BMPR1B: variants seen among roughly 807,000 people sequenced by gnomAD.
The protein encoded by BMPR1B is bone morphogenetic protein receptor type-1B.
A neutral mutation model predicts 59.1 loss-of-function variants in BMPR1B; 12 were observed. The ratio of observed to expected loss-of-function variants is 0.20; its 90% CI spans 0.13 to 0.33. The LOEUF (loss-of-function observed/expected upper bound fraction) is 0.33. BMPR1B is among the 10% of genes least tolerant of loss of function. BMPR1B has a pLI of 1.00. For synonymous variants in BMPR1B, 237 were observed against 207.3 expected (o/e 1.14, Z -1.23); for missense variants, 550 against 610.9 (o/e 0.90, Z 1.05).
At chr4:95,130,675 C>T (rs1465063824) in intron 9 of BMPR1B, among the ~76,000 whole-genome samples, 4 of 145,900 alleles carry the variant, frequency 2.7e-5, no homozygotes, top group African/African-American at 1.0e-4. Flanking sequence ...GATGTAAACT[C>T]TTAATCTTTC....
At position 94,985,892 on chromosome 4, in the gene BMPR1B, G is replaced by T. The variant is rs553078204; in HGVS notation, c.-112-10148G>T. On this transcript the variant is annotated intron_variant, in intron 2 of 12. Transcript: ENST00000515059. ...TAAAAATATAAAGTGCCACATAAAT[G>T]TGAGTCGTTAGATTTCTACAGACTG... Among the ~76,000 whole-genome samples, 10 of 152,282 alleles carry T rather than the reference G, an allele frequency of 6.6e-5. No homozygotes were observed. In the East Asian group the frequency reaches 1.5e-3, roughly 24 times the overall value.
chr4:94,953,856 A>G (rs1264956888), intron 2 of BMPR1B, among the ~76,000 whole-genome samples: 1 of 152,118 alleles, frequency 6.6e-6, no homozygotes, highest in Non-Finnish European at 1.5e-5. Context: ...TGTGTTTTCC[A>G]ACTTGGTTCC....
chr4:95,049,447 T>G lies in BMPR1B; in HGVS notation c.-18+53313T>G, dbSNP rs1302062902. Among the ~76,000 whole-genome samples, 217 of 49,452 alleles carry G rather than the reference T, an allele frequency of 4.4e-3. 18 individuals are homozygous for G. The highest frequency in any genetic ancestry group is 0.013 in the African/African-American group (208 of 16,410). The allele number at this position is 49,452 out of a possible 152,430, so 32.4% of individuals were successfully genotyped here. ...TTTTTTTTTTTTTTTTTTTTTTTTT[T>G]TTTTTTTTTTTTTTTTTTTTTTTGC... On this transcript the variant is annotated intron_variant, in intron 3 of 12. Coordinates refer to ENST00000515059, the MANE Select transcript of BMPR1B (RefSeq NM_001203.3).
intron 3 of BMPR1B, among the ~76,000 whole-genome samples, chr4:95,071,646 G>A (rs1256337795): frequency 3.3e-4 from 29 of 86,572 alleles, no homozygotes; most frequent in African/African-American, 1.1e-3. Context: ...GTGTGTGTGT[G>A]TGTGTGTATA....
chr4:95,095,716 A>G (rs903966281), intron 3 of BMPR1B, among the ~76,000 whole-genome samples: 1 of 152,086 alleles, frequency 6.6e-6, no homozygotes, highest in Middle Eastern at 3.2e-3. Context: ...TTAAAGTCTC[A>G]TATCCATTTC....
At chr4:95,089,198 C>T (rs1418321627) in intron 3 of BMPR1B, among the ~76,000 whole-genome samples, 1 of 152,070 alleles carries the variant, frequency 6.6e-6, no homozygotes, top group East Asian at 1.9e-4. Flanking sequence ...AAAAACATAA[C>T]ACACACAAAT....
At chr4:94,915,919 G>T (rs1728465710) in intron 2 of BMPR1B, among the ~76,000 whole-genome samples, 1 of 152,124 alleles carries the variant, frequency 6.6e-6, no homozygotes, top group South Asian at 2.1e-4. Flanking sequence ...GAGTGCTCGG[G>T]AGATCTGGTC....
At chr4:95,124,187 CTTAGGT>C (rs1272451550) in intron 7 of BMPR1B, among the ~76,000 whole-genome samples, 2 of 151,896 alleles carry the variant, frequency 1.3e-5, no homozygotes, top group Non-Finnish European at 2.9e-5. Context: ...CTGGTTGTTA[CTTAGGT>C]TTGATTCCAA....
chr4:95,025,169 TAGAA>T (rs1724267924), intron 3 of BMPR1B, among the ~76,000 whole-genome samples: 1 of 152,082 alleles, frequency 6.6e-6, no homozygotes, highest in African/African-American at 2.4e-5. Context: ...GGAAGAGTGA[TAGAA>T]AGAAAACCAG....
chr4:94,836,466 G>C (rs1724824666), intron 1 of BMPR1B, among the ~76,000 whole-genome samples: 1 of 143,016 alleles, frequency 7.0e-6, no homozygotes, highest in Admixed American at 6.9e-5. Context: ...GGTGTGAGAT[G>C]GTATCTCATT....
chr4:94,908,061 T>TAAAAAAAAAAAAA (rs571793477), intron 2 of BMPR1B, among the ~76,000 whole-genome samples: 18 of 46,246 alleles, frequency 3.9e-4, no homozygotes, highest in Non-Finnish European at 4.9e-4. Flanking sequence ...ACCCTGTCTT[T>TAAAAAAAAAAAAA]AAAAAAAAAA....
intron 4 of BMPR1B, among the ~76,000 whole-genome samples, chr4:95,106,593 TA>T (rs1731213551): frequency 6.6e-6 from 1 of 152,052 alleles, no homozygotes; most frequent in African/African-American, 2.4e-5. Flanking sequence ...GGTAGACTTT[TA>T]ATGAAAGAGG....
rs1011407134 is a variant in BMPR1B at position 94,841,057 on chromosome 4, C to G, written c.-182-34774C>G. On this transcript the variant is annotated intron_variant, in intron 1 of 12. Coordinates refer to ENST00000515059, the MANE Select transcript of BMPR1B (RefSeq NM_001203.3). ...TCAGTGTGCCCCTGCTAGGGGGTGC[C>G]TCCCAGTTAGGCTGTTCGGGTGTCA... Among the ~76,000 whole-genome samples, 9 of 148,028 alleles carry G rather than the reference C, an allele frequency of 6.1e-5. 1 individual carries two copies. The highest frequency in any genetic ancestry group is 1.4e-4 in the Non-Finnish European group (9 of 66,358).
chr4:94,773,138 G>T (rs1265709436), intron 1 of BMPR1B, among the ~76,000 whole-genome samples: 1 of 152,078 alleles, frequency 6.6e-6, no homozygotes, highest in Non-Finnish European at 1.5e-5. Flanking sequence ...GGAAGAGGAA[G>T]TCAAGTAGTA....
chr4:95,135,911 T>G (rs1298046828), intron 10 of BMPR1B, among the ~76,000 whole-genome samples: 2 of 152,110 alleles, frequency 1.3e-5, no homozygotes, highest in Non-Finnish European at 2.9e-5. Flanking sequence ...CGAATAGGAG[T>G]GCTGAGAGAG....
intron 3 of BMPR1B, among the ~76,000 whole-genome samples, chr4:95,103,903 G>T (rs181135639): frequency 4.4e-4 from 67 of 151,990 alleles, no homozygotes; most frequent in Non-Finnish European, 7.4e-4. Flanking sequence ...TTAAAAAGAA[G>T]TACATAATAT....
At chr4:95,152,849 T>A in intron 12 of BMPR1B, 76 bp downstream of exon 12, 1 of 1,550,490 alleles carries the variant, frequency 6.4e-7, no homozygotes, top group South Asian at 1.2e-5. Flanking sequence ...ATTCCACATA[T>A]TGATTGTAGG....
intron 2 of BMPR1B, among the ~76,000 whole-genome samples, chr4:94,923,077 G>T (rs1012211832): frequency 2.6e-5 from 4 of 152,066 alleles, no homozygotes; most frequent in African/African-American, 9.7e-5. Flanking sequence ...TCTCTAAAAT[G>T]CTGTAAACAT....
At chr4:95,123,001 C>T (rs988324160) in intron 6 of BMPR1B, among the ~76,000 whole-genome samples, 4 of 151,928 alleles carry the variant, frequency 2.6e-5, no homozygotes, top group Admixed American at 2.0e-4. Flanking sequence ...AGAAATCACC[C>T]GTGTAAAATT....
Sources: allele counts gnomAD v4.1 joint callset (sites outside exome capture counted in the v4.1 genomes callset), GRCh38; gene constraint gnomAD v4.1.1; transcripts MANE v1.5; gene names NCBI Gene and HGNC (gene_info 2026-07-23, HGNC 2026-07-21).